Variants in DLGAP2 observed in about 807,000 individuals in gnomAD.
DLGAP2 encodes disks large-associated protein 2.
In DLGAP2, 26 loss-of-function variants were observed where a neutral mutation model predicts 100.3. That is an observed-to-expected ratio of 0.26 (90% CI 0.19 to 0.36). The LOEUF is 0.36. DLGAP2 is among the 10% of genes least tolerant of loss of function. The probability of loss-of-function intolerance (pLI) is 1.00; values close to 1 mark genes in which losing one functional copy is unlikely to be tolerated. For synonymous variants in DLGAP2, 886 were observed against 630.1 expected, an observed-to-expected ratio of 1.41 and a Z score of -6.08; for missense variants, 1,858 against 1,453.2, an observed-to-expected ratio of 1.28 and a Z score of -4.53.
At chr8:806,147 A>G (rs1796264332) in intron 1 of DLGAP2, among the ~76,000 whole-genome samples, 1 of 152,240 alleles carries the variant, frequency 6.6e-6, no homozygotes, top group Admixed American at 6.5e-5. Flanking sequence ...ACCTGTGTAG[A>G]ATTGCAGCTG....
chr8:1,559,314 G>A (rs1389182812), intron 5 of DLGAP2, among the ~76,000 whole-genome samples: 3 of 152,196 alleles, frequency 2.0e-5, no homozygotes, highest in Admixed American at 1.3e-4. Flanking sequence ...GTTTCAGAGC[G>A]TGCACTAGGC....
chr8:1,280,834 T>G (rs1287796696), intron 3 of DLGAP2, among the ~76,000 whole-genome samples: 1 of 152,188 alleles, frequency 6.6e-6, no homozygotes, highest in African/African-American at 2.4e-5. Context: ...ATGGGACACA[T>G]AGGCCATCCT....
At position 1,551,370 on chromosome 8, in the gene DLGAP2, C is replaced by A. The variant is rs149444665; in HGVS notation, c.1230+1687C>A. On this transcript the variant is annotated intron_variant, in intron 5 of 14. Transcript: ENST00000637795. ...TGCCTGGTGTGGATAGTCAGTGTTC[C>A]CTGAATGAGCACTTCAGGACACTGT... is the stretch of plus-strand genomic sequence containing the variant. Among the ~76,000 whole-genome samples the A allele has an allele frequency of 4.7e-3, 721 of 152,220 alleles. 9 individuals are homozygous for A. The highest frequency in any genetic ancestry group is 0.016 in the African/African-American group (673 of 41,514).
intron 3 of DLGAP2, among the ~76,000 whole-genome samples, chr8:1,423,855 C>G (rs1010217490): frequency 6.6e-6 from 1 of 152,198 alleles, no homozygotes; most frequent in Admixed American, 6.5e-5. Context: ...ATGACACTTG[C>G]ACGTCTACAG....
At position 1,517,167 on chromosome 8, in the gene DLGAP2, C is replaced by G. The variant is rs116209918; in HGVS notation, c.172+15736C>G. Among the ~76,000 whole-genome samples, 553 of 152,206 alleles carry G rather than the reference C, an allele frequency of 3.6e-3. 2 individuals carry two copies. Among genetic ancestry groups the G allele is most frequent in the African/African-American group, 0.012 (518 of 41,526 alleles). ...CCATGGCTGTGGGTGGAGGGCGAGT[C>G]CTGGACGTAGTGCTTCATTCTGTCT... On this transcript the variant is annotated intron_variant, in intron 4 of 14. Transcript: ENST00000637795.
At chr8:1,184,023 A>T (rs879539162) in intron 2 of DLGAP2, among the ~76,000 whole-genome samples, 3 of 152,246 alleles carry the variant, frequency 2.0e-5, no homozygotes, top group Non-Finnish European at 4.4e-5. Context: ...CACTGTTAAT[A>T]TTATATGATG....
At chr8:928,277 G>T (rs901944993) in intron 2 of DLGAP2, among the ~76,000 whole-genome samples, 26 of 152,186 alleles carry the variant, frequency 1.7e-4, no homozygotes, top group Admixed American at 3.3e-4. Flanking sequence ...CCTGGACACG[G>T]TTTACCGAGG....
intron 1 of DLGAP2, chr8:738,708 C>T (rs1039398796): frequency 6.8e-6 from 1 of 147,072 alleles, no homozygotes; most frequent in Non-Finnish European, 1.5e-5. Flanking sequence ...CTGGGCTGGA[C>T]TGGACGCCTC....
chr8:1,560,572 C>A (rs1802123576), intron 5 of DLGAP2, among the ~76,000 whole-genome samples: 1 of 152,172 alleles, frequency 6.6e-6, no homozygotes, highest in Non-Finnish European at 1.5e-5. Context: ...AGGAAAGTTG[C>A]CCACTCTAAG....
At chr8:1,020,808 C>G (rs1216159479) in intron 2 of DLGAP2, among the ~76,000 whole-genome samples, 2 of 152,158 alleles carry the variant, frequency 1.3e-5, no homozygotes, top group African/African-American at 4.8e-5. Context: ...GTTTGGGACC[C>G]AGGCTTTACG....
intron 2 of DLGAP2, among the ~76,000 whole-genome samples, chr8:987,287 C>G (rs1310938912): frequency 6.6e-6 from 1 of 152,078 alleles, no homozygotes; most frequent in Non-Finnish European, 1.5e-5. Flanking sequence ...GTGAGCTCAG[C>G]TGCAGGTTTA....
chr8:786,376 C>T (rs893815795), intron 1 of DLGAP2, among the ~76,000 whole-genome samples: 1 of 152,198 alleles, frequency 6.6e-6, no homozygotes, highest in Admixed American at 6.5e-5. Flanking sequence ...CTCATGCCTG[C>T]ATCTTCCGGG....
At chr8:843,617 C>T (rs531094516) in intron 1 of DLGAP2, among the ~76,000 whole-genome samples, 1 of 152,324 alleles carries the variant, frequency 6.6e-6, no homozygotes, top group South Asian at 2.1e-4. Flanking sequence ...ATTTTGCACT[C>T]CCTGGGCTGT....
chr8:1,458,355 C>A (rs921750110), intron 3 of DLGAP2, among the ~76,000 whole-genome samples: 1 of 152,016 alleles, frequency 6.6e-6, no homozygotes, highest in Non-Finnish European at 1.5e-5. Flanking sequence ...AGGATAAAAC[C>A]TTTTACTGTG....
intron 8 of DLGAP2, among the ~76,000 whole-genome samples, chr8:1,642,003 CG>C (rs1170765775): frequency 7.2e-5 from 3 of 41,776 alleles, no homozygotes; most frequent in African/African-American, 6.7e-4. Flanking sequence ...CCCTCGACCC[CG>C]CTGGTCCTCA....
At chr8:1,286,526 G>C (rs923922077) in intron 3 of DLGAP2, among the ~76,000 whole-genome samples, 1 of 152,170 alleles carries the variant, frequency 6.6e-6, no homozygotes, top group African/African-American at 2.4e-5. Context: ...CATAAATGGA[G>C]GACCGAGGCC....
At chr8:858,825 A>C (rs371370903) in intron 1 of DLGAP2, among the ~76,000 whole-genome samples, 19 of 152,224 alleles carry the variant, frequency 1.2e-4, no homozygotes, top group African/African-American at 4.6e-4. Context: ...GCCACCGTGC[A>C]TTTCTCCAAA....
intron 1 of DLGAP2, among the ~76,000 whole-genome samples, chr8:827,524 A>G (rs1006354911): frequency 6.6e-6 from 1 of 152,230 alleles, no homozygotes; most frequent in Non-Finnish European, 1.5e-5. Flanking sequence ...TTTCTTCAGT[A>G]ATTATTGCAA....
At chr8:1,045,688 A>C (rs1172278229) in intron 2 of DLGAP2, among the ~76,000 whole-genome samples, 1 of 152,052 alleles carries the variant, frequency 6.6e-6, no homozygotes, top group Non-Finnish European at 1.5e-5. Context: ...TGCTTCTGTG[A>C]GTTCTCTTGT....
Sources: gnomAD v4.1 joint callset for allele counts (sites outside exome capture counted in the v4.1 genomes callset) on GRCh38, gnomAD v4.1.1 for gene constraint, MANE v1.5 for transcripts, NCBI Gene and HGNC (gene_info 2026-07-23, HGNC 2026-07-21) for gene names.